Variants in LRBA observed in about 807,000 individuals in gnomAD.
LRBA encodes the protein lipopolysaccharide-responsive and beige-like anchor protein.
A neutral mutation model predicts 330.0 loss-of-function variants in LRBA; 176 were observed. The ratio of observed to expected loss-of-function variants is 0.53; its 90% CI spans 0.47 to 0.60. LRBA has a LOEUF of 0.60. Among genes scored for constraint, LRBA ranks in the 20% least tolerant of loss-of-function variants. LRBA has a pLI of 0.00. For missense variants in LRBA, 3,259 were observed against 3,444.8 expected (o/e 0.95, Z 1.35); for synonymous variants, 1,230 against 1,193.0 (o/e 1.03, Z -0.64).
chr4:150,937,588 C>T (rs1735215791), intron 2 of LRBA, among the ~76,000 whole-genome samples: 1 of 151,968 alleles, frequency 6.6e-6, no homozygotes, highest in Non-Finnish European at 1.5e-5. Context: ...ATTTGGTCTC[C>T]TTTGCTATAT....
At chr4:150,616,906 C>T (rs560583584) in intron 37 of LRBA, among the ~76,000 whole-genome samples, 28 of 152,174 alleles carry the variant, frequency 1.8e-4, no homozygotes, top group African/African-American at 6.5e-4. Flanking sequence ...TAAGAATACA[C>T]TAGATATAGA....
At chr4:150,526,190 G>C (rs10003280) in intron 40 of LRBA, among the ~76,000 whole-genome samples, 91,605 of 152,092 alleles carry the variant, frequency 0.6, 31,048 homozygotes, top group Non-Finnish European at 0.75. Flanking sequence ...AGAGAAAAAA[G>C]AAAGGAAGAA....
intron 44 of LRBA, among the ~76,000 whole-genome samples, chr4:150,447,925 A>G (rs1051856980): frequency 6.6e-6 from 1 of 152,216 alleles, no homozygotes; most frequent in Non-Finnish European, 1.5e-5. Context: ...TAAGAAGCTC[A>G]TTTTAAAAAG....
At chr4:150,741,103 C>T (rs1445322824) in intron 35 of LRBA, among the ~76,000 whole-genome samples, 1 of 151,824 alleles carries the variant, frequency 6.6e-6, no homozygotes, top group Non-Finnish European at 1.5e-5. Flanking sequence ...CTGACTGGGT[C>T]GATGTAAAGA....
chr4:150,346,787 A>AAAAAAAAAAC (rs1736414564), intron 48 of LRBA, among the ~76,000 whole-genome samples: 1 of 128,142 alleles, frequency 7.8e-6, no homozygotes, highest in African/African-American at 2.8e-5. Flanking sequence ...AAAAAAAAAA[A>AAAAAAAAAAC]CACTTATTTG....
At chr4:150,728,588 A>G (rs1173131398) in intron 36 of LRBA, among the ~76,000 whole-genome samples, 2 of 152,108 alleles carry the variant, frequency 1.3e-5, no homozygotes, top group Non-Finnish European at 2.9e-5. Flanking sequence ...AACAGAATGA[A>G]GGATAAAAAA....
chr4:150,722,421 G>C (rs1467492854), intron 36 of LRBA, among the ~76,000 whole-genome samples: 1 of 152,138 alleles, frequency 6.6e-6, no homozygotes, highest in African/African-American at 2.4e-5. Flanking sequence ...AGTGAGTATT[G>C]AATTCACTTA....
chr4:150,848,021 C>G (rs540600334), intron 26 of LRBA, among the ~76,000 whole-genome samples: 1 of 146,130 alleles, frequency 6.8e-6, no homozygotes, highest in South Asian at 2.2e-4. Context: ...CTCTATAACC[C>G]TTTTTTTTTT....
intron 50 of LRBA, among the ~76,000 whole-genome samples, chr4:150,318,469 T>A (rs1011979991): frequency 6.6e-6 from 1 of 152,144 alleles, no homozygotes; most frequent in Admixed American, 6.5e-5. Flanking sequence ...TATTGTAATA[T>A]GGATTTGATA....
chr4:150,930,812 A>G (rs1305332360), intron 2 of LRBA, among the ~76,000 whole-genome samples: 1 of 152,216 alleles, frequency 6.6e-6, no homozygotes, highest in African/African-American at 2.4e-5. Context: ...AATGCTTTGT[A>G]TCATCACTAC....
chr4:150,386,394 CTTCCTGATGTT>C (rs1239340984), intron 47 of LRBA, among the ~76,000 whole-genome samples: 1 of 151,514 alleles, frequency 6.6e-6, no homozygotes, highest in African/African-American at 2.4e-5. Context: ...ATTAGCTATT[CTTCCTGATGTT>C]TTCCTTCCTC....
chr4:150,640,321 A>G (rs1046688911), intron 37 of LRBA, among the ~76,000 whole-genome samples: 21 of 152,148 alleles, frequency 1.4e-4, no homozygotes, highest in African/African-American at 4.3e-4. Flanking sequence ...TCATACCTCT[A>G]TCAGTCTGAT....
At chr4:150,714,228 A>T (rs1382663650) in intron 36 of LRBA, among the ~76,000 whole-genome samples, 4 of 152,208 alleles carry the variant, frequency 2.6e-5, no homozygotes, top group African/African-American at 9.6e-5. Context: ...GTACAAATAC[A>T]TTATGTCTAA....
In LRBA at chr4:150,590,776, G is replaced by C. The variant is rs1772723990; in HGVS notation, c.6130C>G (p.Leu2044Val). Residue 2044 changes from leucine (L) to valine (V), a missense_variant, in exon 39 of 57, where the codon CTC becomes GTC. By Grantham distance (32) the Leu-to-Val change is conservative. Transcript: ENST00000651943. ...LGNQNSENEILLEGDDDTLSS... is the reference protein window; with the variant it reads ...LGNQNSENEIVLEGDDDTLSS... ...AGAGTATCATCATCGCCTTCCAGGA[G>C]GATCTCGTTTTCTGAGTTCTGATTT... 1 of 1,613,942 alleles carries C rather than the reference G, an allele frequency of 6.2e-7. No individual in the cohort carries two copies. The highest frequency in any genetic ancestry group is 8.5e-7 in the Non-Finnish European group (1 of 1,179,874).
chr4:150,813,923 A>G (rs1462309243), intron 31 of LRBA, among the ~76,000 whole-genome samples: 4 of 152,100 alleles, frequency 2.6e-5, no homozygotes, highest in South Asian at 2.1e-4. Flanking sequence ...TCAATTTTCA[A>G]TATTTTCACC....
intron 36 of LRBA, chr4:150,721,075 A>C: frequency 1.7e-6 from 1 of 575,214 alleles, no homozygotes; most frequent in South Asian, 1.5e-5. Context: ...AGGAATTATG[A>C]GTATTTGGAT....
At chr4:150,661,287 A>G (rs530482995) in intron 37 of LRBA, among the ~76,000 whole-genome samples, 26 of 151,586 alleles carry the variant, frequency 1.7e-4, no homozygotes, top group Admixed American at 7.9e-4. Context: ...CCCGGGCAAC[A>G]TGGTAAGACC....
intron 47 of LRBA, among the ~76,000 whole-genome samples, chr4:150,411,041 T>A (rs1385701790): frequency 6.6e-6 from 1 of 152,140 alleles, no homozygotes; most frequent in East Asian, 1.9e-4. Context: ...CTGAAATAAA[T>A]TTTTTTCCTA....
At chr4:150,462,665 C>A (rs1754927638) in intron 44 of LRBA, among the ~76,000 whole-genome samples, 1 of 151,732 alleles carries the variant, frequency 6.6e-6, no homozygotes, top group South Asian at 2.1e-4. Flanking sequence ...CTCTGAAAAA[C>A]AGCTTTGGCA....
Sources: gnomAD v4.1 joint callset for allele counts (sites outside exome capture counted in the v4.1 genomes callset) on GRCh38, gnomAD v4.1.1 for gene constraint, MANE v1.5 for transcripts, NCBI Gene and HGNC (gene_info 2026-07-23, HGNC 2026-07-21) for gene names.